PCDHA1: variants seen among roughly 807,000 people sequenced by gnomAD.
The protein encoded by PCDHA1 is protocadherin alpha 1, also known as protocadherin alpha-1.
PCDHA1 carries 42 observed loss-of-function variants against 61.3 expected under a neutral mutation model. The ratio of observed to expected loss-of-function variants is 0.69; its 90% CI spans 0.54 to 0.89. The LOEUF (loss-of-function observed/expected upper bound fraction) is 0.89, where lower values mean the gene tolerates loss of function less well. PCDHA1 is among the 40% of genes least tolerant of loss of function. The probability of loss-of-function intolerance (pLI) is 0.00; values close to 1 mark genes in which losing one functional copy is unlikely to be tolerated. For missense variants in PCDHA1, 1,256 were observed against 1,235.3 expected (o/e 1.02, Z -0.25); for synonymous variants, 610 against 553.8 (o/e 1.10, Z -1.43).
At position 140,829,788 on chromosome 5, in the gene PCDHA1, T is replaced by G. The variant is rs2150174701; in HGVS notation, c.2394+41104T>G. 2.5e-6 allele frequency: 4 copies of G among 1,613,684 alleles called. No individual in the cohort carries two copies. The African/African-American group carries it at 5.3e-5, about 22-fold the overall frequency. On this transcript the variant is annotated intron_variant, in intron 1 of 3. Coordinates refer to ENST00000504120, the MANE Select transcript of PCDHA1 (RefSeq NM_018900.4). Reference sequence around the variant, plus strand: ...GAGAACGACAACGCGCCGGCGCTGCTGGCGCCTCGGGTGGGTGGTACTGGT... The same window carrying G: ...GAGAACGACAACGCGCCGGCGCTGCGGGCGCCTCGGGTGGGTGGTACTGGT...
intron 3 of PCDHA1, among the ~76,000 whole-genome samples, chr5:141,000,387 C>G (rs868946328): frequency 1.5e-5 from 1 of 66,898 alleles, no homozygotes. Context: ...CTCTCTCTCT[C>G]TCTCTCTCTA....
chr5:140,883,937 G>C, intron 1 of PCDHA1: 3 of 1,613,414 alleles, frequency 1.9e-6, no homozygotes, highest in Non-Finnish European at 2.5e-6. Context: ...GTTCGTGCTG[G>C]ACGAGAACGA....
chr5:140,989,128 G>A (rs2097330831), intron 3 of PCDHA1: 1 of 152,178 alleles, frequency 6.6e-6, no homozygotes, highest in Non-Finnish European at 1.5e-5. Flanking sequence ...AGAAAAATAA[G>A]ACACTTTATC....
At chr5:140,834,343 G>A in intron 1 of PCDHA1, 2 of 1,517,652 alleles carry the variant, frequency 1.3e-6, no homozygotes, top group South Asian at 1.3e-5. Context: ...TAAATTCGAA[G>A]GCAAGTTTTG....
chr5:140,824,637 T>TTTC (rs1768307351), intron 1 of PCDHA1: 2 of 145,312 alleles, frequency 1.4e-5, no homozygotes, highest in Non-Finnish European at 2.9e-5. Flanking sequence ...TTTTTTATTT[T>TTTC]CTGTAGAGAT....
At position 140,787,511 on chromosome 5, in the gene PCDHA1, G is replaced by T. The variant is rs782770944; in HGVS notation, c.1221G>T (p.Leu407Phe). 4 of 1,614,106 alleles carry T rather than the reference G, an allele frequency of 2.5e-6. No individual in the cohort carries two copies. In the South Asian group the frequency reaches 3.3e-5, roughly 13 times the overall value. ...CCACCTTCAAGAATTACTACTCGTT[G>T]GTGTTGGACAGCGCCCTGGATCGCG... ...LVSTFKNYYS[L>F]VLDSALDRES... is the part of the protein sequence containing the mutation. Residue 407 changes from leucine (L) to phenylalanine (F), a missense_variant, in exon 1 of 4, where the codon TTG becomes TTT. Transcript: ENST00000504120.
At chr5:140,796,323 G>C (rs1554119843) in intron 1 of PCDHA1, 2 of 1,613,946 alleles carry the variant, frequency 1.2e-6, no homozygotes, top group Non-Finnish European at 1.7e-6. Flanking sequence ...ACAACGCGCC[G>C]GCGTTCGCAC....
Position 140,788,444 on chromosome 5 carries a change from C to T in PCDHA1, c.2154C>T (p.Tyr718=). 6.2e-7 allele frequency: 1 copy of T among 1,614,140 alleles called. No homozygotes were observed. The highest frequency in any genetic ancestry group is 1.3e-5 in the African/African-American group (1 of 75,070). The change falls in exon 1 of 4, where the codon TAC becomes TAT. Residue 718 remains tyrosine (Y), a synonymous_variant. Transcript: ENST00000504120. ...TGCTGGTGCTCACACTGCTGCTGTA[C>T]ACGGCGCTGCGGTGCTCAGTGCCGC... ...SSLLVLTLLL[Y]TALRCSVPPT...
At chr5:140,937,316 C>T (rs1355509287) in intron 1 of PCDHA1, among the ~76,000 whole-genome samples, 7 of 152,044 alleles carry the variant, frequency 4.6e-5, no homozygotes, top group Admixed American at 3.9e-4. Context: ...GGATTACAGG[C>T]GTGAGCCACC....
intron 1 of PCDHA1, among the ~76,000 whole-genome samples, chr5:140,961,529 T>C (rs1208334511): frequency 2.6e-5 from 4 of 152,244 alleles, no homozygotes; most frequent in Admixed American, 1.3e-4. Flanking sequence ...AAATTCTAGA[T>C]AGACTGTTCC....
At chr5:140,870,125 A>G (rs782777018) in intron 1 of PCDHA1, 29 of 1,613,792 alleles carry the variant, frequency 1.8e-5, no homozygotes, top group African/African-American at 2.7e-5. Flanking sequence ...GAAATCTTGG[A>G]CACCAACGAT....
intron 1 of PCDHA1, among the ~76,000 whole-genome samples, chr5:140,913,069 C>G (rs1249708459): frequency 9.2e-5 from 14 of 152,006 alleles, no homozygotes; most frequent in Non-Finnish European, 1.5e-4. Flanking sequence ...TTTGATGTGT[C>G]ATTGTTTGGT....
chr5:140,906,889 G>T (rs1397235059), intron 1 of PCDHA1, among the ~76,000 whole-genome samples: 1 of 152,172 alleles, frequency 6.6e-6, no homozygotes, highest in Non-Finnish European at 1.5e-5. Flanking sequence ...TTCCTTCTTA[G>T]ATTGTTGGTT....
At chr5:140,999,894 G>A (rs1260070986) in intron 3 of PCDHA1, among the ~76,000 whole-genome samples, 3 of 152,096 alleles carry the variant, frequency 2.0e-5, no homozygotes, top group African/African-American at 7.2e-5. Flanking sequence ...TGTAGCTTGG[G>A]ACACCAAACA....
intron 1 of PCDHA1, chr5:140,883,882 C>T (rs200536915): frequency 6.8e-6 from 11 of 1,613,068 alleles, no homozygotes; most frequent in Middle Eastern, 1.7e-4. Flanking sequence ...TGAGCGCGCG[C>T]GACTCTGGCG....
intron 1 of PCDHA1, chr5:140,808,463 AC>A (rs782633052): frequency 1.2e-6 from 2 of 1,614,166 alleles, no homozygotes; most frequent in South Asian, 2.2e-5. Flanking sequence ...GCTGGTGGTG[AC>A]CGCGCGAGAC....
intron 1 of PCDHA1, chr5:140,828,637 G>GA: frequency 1.9e-6 from 3 of 1,614,174 alleles, no homozygotes; most frequent in Non-Finnish European, 1.7e-6. Flanking sequence ...GGCTAGATGT[G>GA]AAAATAAACA....
At chr5:140,902,085 GT>G (rs1225919893) in intron 1 of PCDHA1, among the ~76,000 whole-genome samples, 1 of 151,518 alleles carries the variant, frequency 6.6e-6, no homozygotes, top group African/African-American at 2.4e-5. Context: ...TGTTTTAATA[GT>G]TTTTTGGAGT....
At chr5:140,835,281 G>A (rs2150233250) in intron 1 of PCDHA1, 1 of 1,611,780 alleles carries the variant, frequency 6.2e-7, no homozygotes, top group East Asian at 2.2e-5. Flanking sequence ...CCCCTTAAGT[G>A]GGGCAATCAC....
Sources: gnomAD v4.1 joint callset for allele counts (sites outside exome capture counted in the v4.1 genomes callset) on GRCh38, gnomAD v4.1.1 for gene constraint, MANE v1.5 for transcripts, NCBI Gene and HGNC (gene_info 2026-07-23, HGNC 2026-07-21) for gene names.